Variants in TMOD1 observed in about 807,000 individuals in gnomAD.
The protein encoded by TMOD1 is tropomodulin 1.
Under a neutral mutation model 40.6 loss-of-function variants are expected in TMOD1, and 17 were observed. That is an observed-to-expected ratio of 0.42 (90% CI 0.29 to 0.63). The LOEUF (loss-of-function observed/expected upper bound fraction) is 0.63. TMOD1 is among the 20% of genes least tolerant of loss of function. The probability of loss-of-function intolerance (pLI) is 0.22; values close to 1 mark genes in which losing one functional copy is unlikely to be tolerated. For missense variants in TMOD1, 391 were observed against 447.6 expected, an observed-to-expected ratio of 0.87 and a Z score of 1.14; for synonymous variants, 181 against 175.0, an observed-to-expected ratio of 1.03 and a Z score of -0.27.
At chr9:97,589,110 T>C (rs1204932073) in intron 8 of TMOD1, among the ~76,000 whole-genome samples, 2 of 133,884 alleles carry the variant, frequency 1.5e-5, no homozygotes, top group Non-Finnish European at 3.1e-5. Context: ...AGAGTGAGAC[T>C]CTGTCTCAAA....
At chr9:97,545,756 G>A (rs544476415) in intron 2 of TMOD1, among the ~76,000 whole-genome samples, 6 of 152,042 alleles carry the variant, frequency 3.9e-5, no homozygotes, top group East Asian at 1.9e-4. Context: ...TTCTCTCTCC[G>A]GAGCCACCTG....
chr9:97,590,164 A>G (rs571900627), intron 8 of TMOD1, among the ~76,000 whole-genome samples: 17 of 151,764 alleles, frequency 1.1e-4, no homozygotes, highest in Middle Eastern at 3.4e-3. Context: ...TCTATTTAGT[A>G]TGGTTGAACT....
At chr9:97,581,215 A>G (rs1292457114) in intron 8 of TMOD1, among the ~76,000 whole-genome samples, 27 of 130,776 alleles carry the variant, frequency 2.1e-4, no homozygotes, top group South Asian at 5.1e-4. Flanking sequence ...TCATTGTTCA[A>G]TTCCCACCTA....
intron 2 of TMOD1, among the ~76,000 whole-genome samples, chr9:97,526,110 G>A (rs1830010699): frequency 6.6e-6 from 1 of 152,210 alleles, no homozygotes; most frequent in African/African-American, 2.4e-5. Context: ...TGGCCACCTA[G>A]CTGGCACTGT....
intron 1 of TMOD1, among the ~76,000 whole-genome samples, chr9:97,523,728 G>A (rs746350995): frequency 1.3e-5 from 2 of 152,270 alleles, no homozygotes; most frequent in South Asian, 2.1e-4. Context: ...ATTAACCACC[G>A]ATACTCCCCT....
chr9:97,575,278 T>A (rs1004816340), intron 8 of TMOD1, among the ~76,000 whole-genome samples: 5 of 152,046 alleles, frequency 3.3e-5, no homozygotes, highest in Non-Finnish European at 7.4e-5. Context: ...GCCTGCAGCT[T>A]CACTCCTGAT....
intron 2 of TMOD1, among the ~76,000 whole-genome samples, chr9:97,542,150 A>G (rs181374776): frequency 6.6e-6 from 1 of 152,322 alleles, no homozygotes; most frequent in East Asian, 1.9e-4. Flanking sequence ...GAGTTTTTAT[A>G]TATAATGGGA....
At chr9:97,532,676 T>C (rs1830122109) in intron 2 of TMOD1, among the ~76,000 whole-genome samples, 1 of 152,112 alleles carries the variant, frequency 6.6e-6, no homozygotes, top group Non-Finnish European at 1.5e-5. Flanking sequence ...CTGTCTCCCT[T>C]TCTATTCATC....
chr9:97,570,512 A>G (rs1278647951), intron 8 of TMOD1, among the ~76,000 whole-genome samples: 1 of 151,132 alleles, frequency 6.6e-6, no homozygotes, highest in Non-Finnish European at 1.5e-5. Context: ...TTGGCACACC[A>G]TGCATCAGGG....
At chr9:97,524,876 G>A (rs1829984511) in intron 2 of TMOD1, among the ~76,000 whole-genome samples, 1 of 151,972 alleles carries the variant, frequency 6.6e-6, no homozygotes, top group South Asian at 2.1e-4. Context: ...CCATATCAGG[G>A]GGAATAATCT....
chr9:97,539,935 G>C (rs940680493), intron 2 of TMOD1, among the ~76,000 whole-genome samples: 1 of 127,874 alleles, frequency 7.8e-6, no homozygotes, highest in African/African-American at 3.1e-5. Flanking sequence ...TCATGCCACT[G>C]CACTCCAGCC....
At chr9:97,581,776 G>T (rs1036382863) in intron 8 of TMOD1, among the ~76,000 whole-genome samples, 2 of 151,812 alleles carry the variant, frequency 1.3e-5, no homozygotes, top group African/African-American at 4.8e-5. Flanking sequence ...TGTGTTTTTT[G>T]GCTACATAAA....
At chr9:97,538,256 A>T (rs773277813) in intron 2 of TMOD1, among the ~76,000 whole-genome samples, 1 of 152,224 alleles carries the variant, frequency 6.6e-6, no homozygotes, top group South Asian at 2.1e-4. Flanking sequence ...TAAAAAGATC[A>T]TCCAGGTATT....
intron 1 of TMOD1, chr9:97,516,355 G>A (rs1159806923): frequency 6.6e-6 from 1 of 152,466 alleles, no homozygotes; most frequent in East Asian, 1.9e-4. Flanking sequence ...CTTCTTTAGA[G>A]CTTCCTACAG....
chr9:97,589,258 G>A (rs1401833281), intron 8 of TMOD1, among the ~76,000 whole-genome samples: 2 of 148,066 alleles, frequency 1.4e-5, no homozygotes, highest in Admixed American at 6.8e-5. Flanking sequence ...CTTATATTCT[G>A]TAATTTTGCC....
rs1826083534 is a variant in TMOD1 at position 97,595,218 on chromosome 9, CTTT to C, written c.1015+3786_1015+3788del. Among the ~76,000 whole-genome samples the C allele has an allele frequency of 1.1e-4, 16 of 152,320 alleles. No homozygotes were observed. In the South Asian group the frequency reaches 3.3e-3, roughly 32 times the overall value. On this transcript the variant is annotated intron_variant, in intron 9 of 9. Transcript: ENST00000259365. ...AATTAGCATATCATCACCTCAAATA[CTTT>C]TTGTGGTGAGAACGTTTATTTTTTA...
At chr9:97,508,488 C>A (rs1829638205) in intron 1 of TMOD1, among the ~76,000 whole-genome samples, 1 of 152,206 alleles carries the variant, frequency 6.6e-6, no homozygotes, top group South Asian at 2.1e-4. Context: ...CCGTACCCAG[C>A]CAACTTTTAA....
rs139897307 is a variant in TMOD1 at position 97,564,075 on chromosome 9, C to T, written c.525C>T (p.Asp175=). The change falls in exon 6 of 10, where the codon GAC becomes GAT. Residue 175 remains aspartate, a synonymous_variant. Transcript: ENST00000259365. ...CCACACAATACAAGCCTGTGCCCGA[C>T]GAAGAACCAAATTCAACAGACGTAG... ...IKPTQYKPVP[D]EEPNSTDVEE... is the part of the protein sequence containing the mutation. 4.2e-4 allele frequency: 685 copies of T among 1,614,152 alleles called. 4 individuals carry two copies. The African/African-American group carries it at 7.3e-3, about 17-fold the overall frequency.
chr9:97,515,201 G>GAA (rs71369514), intron 1 of TMOD1, among the ~76,000 whole-genome samples: 75,119 of 140,938 alleles, frequency 0.53, 20,068 homozygotes, highest in Middle Eastern at 0.63. Context: ...AAACAAAAAT[G>GAA]AAAAAAAAAA....
Sources: gnomAD v4.1 joint callset for allele counts (sites outside exome capture counted in the v4.1 genomes callset) on GRCh38, gnomAD v4.1.1 for gene constraint, MANE v1.5 for transcripts, NCBI Gene and HGNC (gene_info 2026-07-23, HGNC 2026-07-21) for gene names.